Variants in EFCAB5 observed in about 807,000 individuals in gnomAD.
EFCAB5 encodes the protein EF-hand calcium binding domain 5, also known as EF-hand calcium-binding domain-containing protein 5.
EFCAB5 carries 131 observed loss-of-function variants against 167.9 expected under a neutral mutation model. The ratio of observed to expected loss-of-function variants is 0.78; its 90% confidence interval spans 0.68 to 0.90. The LOEUF (loss-of-function observed/expected upper bound fraction) is 0.90, where lower values mean the gene tolerates loss of function less well. Ranked by LOEUF, EFCAB5 falls within the 40% of genes least tolerant of loss-of-function variation. The pLI, the probability that EFCAB5 is intolerant of heterozygous loss-of-function variation, is 0.00. For missense variants in EFCAB5, 1,663 were observed against 1,745.2 expected, an observed-to-expected ratio of 0.95 and a Z score of 0.84; for synonymous variants, 574 against 602.8, an observed-to-expected ratio of 0.95 and a Z score of 0.70.
chr17:30,056,360 C>T (rs1210671095), intron 12 of EFCAB5, among the ~76,000 whole-genome samples: 1 of 152,126 alleles, frequency 6.6e-6, no homozygotes, highest in East Asian at 1.9e-4. Context: ...GTGGCATGTG[C>T]TATTGATGAA....
At chr17:30,039,834 T>C (rs1468775285) in intron 8 of EFCAB5, among the ~76,000 whole-genome samples, 1 of 152,188 alleles carries the variant, frequency 6.6e-6, no homozygotes, top group Non-Finnish European at 1.5e-5. Flanking sequence ...TTCTTTAAGA[T>C]GTGCTTTGTT....
chr17:30,053,491 A>G lies in EFCAB5; in HGVS notation c.1537A>G (p.Thr513Ala). The change falls in exon 10 of 23, where the codon ACT becomes GCT. Residue 513 changes from threonine (T) to alanine (A), a missense_variant. Transcript: ENST00000394835. ...PNPPEQQRGV[T>A]AEQGPQRISI... ...CCCGCCAGAACAGCAGAGAGGAGTAACTGCAGAACAAGGACCACAAAGAAT... is the reference window on the plus strand; with the variant it reads ...CCCGCCAGAACAGCAGAGAGGAGTAGCTGCAGAACAAGGACCACAAAGAAT... 6.2e-7 allele frequency: 1 copy of G among 1,614,032 alleles called. No individual in the cohort carries two copies. The highest frequency in any genetic ancestry group is 1.3e-5 in the African/African-American group (1 of 75,066).
At chr17:30,096,671 ATATATATT>A (rs1161825321) in intron 22 of EFCAB5, among the ~76,000 whole-genome samples, 9 of 60,968 alleles carry the variant, frequency 1.5e-4, no homozygotes, top group African/African-American at 6.9e-4. Context: ...ATATATATAT[ATATATATT>A]TTTTTTTTTT....
upstream of EFCAB5, among the ~76,000 whole-genome samples, chr17:29,936,940 T>G (rs1310273848): frequency 6.6e-6 from 1 of 152,224 alleles, no homozygotes; most frequent in African/African-American, 2.4e-5. Context: ...ACCAAACTGC[T>G]TCAGGTGTTT....
At chr17:29,931,753 CAAAT>C (rs2067198657) in intron 1 of EFCAB5, among the ~76,000 whole-genome samples, 1 of 152,088 alleles carries the variant, frequency 6.6e-6, no homozygotes, top group Non-Finnish European at 1.5e-5. Flanking sequence ...TGAATGAACT[CAAAT>C]AAATGAAATA....
chr17:29,973,797 T>C (rs2068008898), intron 4 of EFCAB5, among the ~76,000 whole-genome samples: 1 of 149,874 alleles, frequency 6.7e-6, no homozygotes, highest in Non-Finnish European at 1.5e-5. Context: ...TTATCTTACA[T>C]AGAAAATCTT....
intron 4 of EFCAB5, among the ~76,000 whole-genome samples, chr17:29,970,615 G>C (rs148487167): frequency 6.9e-6 from 1 of 145,242 alleles, no homozygotes; most frequent in African/African-American, 2.6e-5. Context: ...GGGTACCAGA[G>C]CGAGATCCAG....
At chr17:29,934,335 C>T (rs560585100) in intron 1 of EFCAB5, among the ~76,000 whole-genome samples, 121 of 152,282 alleles carry the variant, frequency 7.9e-4, no homozygotes, top group African/African-American at 2.8e-3. Flanking sequence ...GGTATTTCCT[C>T]GTTACATTTG....
rs148030611 is a variant in EFCAB5, at chr17:29,995,461, T to C, written c.925-851T>C. Among the ~76,000 whole-genome samples, 10 of 152,376 alleles carry C rather than the reference T, an allele frequency of 6.6e-5. No homozygotes were observed. In the East Asian group the frequency reaches 1.9e-3, roughly 29 times the overall value. On this transcript the variant is annotated intron_variant, in intron 5 of 22. Transcript: ENST00000394835. ...TGGTAACCAACCATTGCTTTGATTG[T>C]GCTTTGTCTTCAGGATCATACTGGT... is the stretch of plus-strand genomic sequence containing the variant.
At chr17:30,023,563 C>G (rs1204028262) in intron 7 of EFCAB5, among the ~76,000 whole-genome samples, 1 of 151,958 alleles carries the variant, frequency 6.6e-6, no homozygotes, top group Non-Finnish European at 1.5e-5. Flanking sequence ...AAAAAGAGTC[C>G]AGGACCAGAT....
intron 3 of EFCAB5, among the ~76,000 whole-genome samples, chr17:29,945,312 G>A (rs1369981914): frequency 1.3e-5 from 2 of 150,780 alleles, no homozygotes; most frequent in Non-Finnish European, 1.5e-5. Flanking sequence ...TTTAGGTGCT[G>A]GGTTTTTTTT....
rs1186591874 is a variant in EFCAB5 at position 30,041,713 on chromosome 17, A to G, written c.1200+7328A>G. Reference sequence around the variant, plus strand: ...CAGAGAAATCCTTCATTAAAGGAAGAGTCAACAGATGCAGCAAACTTCATT... The same window carrying G: ...CAGAGAAATCCTTCATTAAAGGAAGGGTCAACAGATGCAGCAAACTTCATT... On this transcript the variant is annotated intron_variant, in intron 8 of 22. Coordinates refer to ENST00000394835, the MANE Select transcript of EFCAB5 (RefSeq NM_198529.4). Among the ~76,000 whole-genome samples, 5 of 152,230 alleles carry G rather than the reference A, an allele frequency of 3.3e-5. No homozygotes were observed. In the East Asian group the frequency reaches 9.6e-4, roughly 29 times the overall value.
intron 7 of EFCAB5, among the ~76,000 whole-genome samples, chr17:30,000,388 A>T (rs1164909672): frequency 6.6e-6 from 1 of 152,226 alleles, no homozygotes; most frequent in Admixed American, 6.5e-5. Context: ...CAGAAAGGTT[A>T]AATAACTTGC....
At chr17:29,991,496 A>T (rs1182162314) in intron 4 of EFCAB5, among the ~76,000 whole-genome samples, 1 of 152,210 alleles carries the variant, frequency 6.6e-6, no homozygotes, top group Non-Finnish European at 1.5e-5. Flanking sequence ...AAACAAAGGG[A>T]TGGGCTCCCT....
intron 4 of EFCAB5, among the ~76,000 whole-genome samples, chr17:29,983,305 T>A (rs1434786716): frequency 6.6e-6 from 1 of 152,206 alleles, no homozygotes; most frequent in Non-Finnish European, 1.5e-5. Flanking sequence ...ATTTCCATGA[T>A]GGTATTGTAG....
At chr17:30,090,160 G>A (rs528308627) in intron 19 of EFCAB5, among the ~76,000 whole-genome samples, 1 of 152,300 alleles carries the variant, frequency 6.6e-6, no homozygotes, top group South Asian at 2.1e-4. Flanking sequence ...TATCATGATG[G>A]AGAGTGGCTT....
chr17:30,034,082 A>G, intron 7 of EFCAB5, 148 bp from the exon 8 acceptor site: 2 of 919,364 alleles, frequency 2.2e-6, no homozygotes, highest in East Asian at 5.5e-5. Context: ...AGCAGCTAGC[A>G]TGAAAATGCT....
At chr17:30,004,149 C>T (rs2068725768) in intron 7 of EFCAB5, among the ~76,000 whole-genome samples, 1 of 152,238 alleles carries the variant, frequency 6.6e-6, no homozygotes, top group South Asian at 2.1e-4. Context: ...GGTGGCTCTG[C>T]CCCATTCTCC....
At chr17:30,084,267 G>T (rs2071043530) in intron 18 of EFCAB5, among the ~76,000 whole-genome samples, 1 of 152,178 alleles carries the variant, frequency 6.6e-6, no homozygotes, top group African/African-American at 2.4e-5. Flanking sequence ...AGCCTCCAAG[G>T]GCACTTAGGC....
Sources: gnomAD v4.1 joint callset for allele counts (sites outside exome capture counted in the v4.1 genomes callset) on GRCh38, gnomAD v4.1.1 for gene constraint, MANE v1.5 for transcripts, NCBI Gene and HGNC (gene_info 2026-07-23, HGNC 2026-07-21) for gene names.